The following NR3C2 variants were observed in gnomAD, a reference collection of about 807,000 sequenced individuals.
NR3C2 encodes the protein mineralocorticoid receptor.
NR3C2 carries 15 observed loss-of-function variants against 86.4 expected under a neutral mutation model. That is an observed-to-expected ratio of 0.17 (90% CI 0.12 to 0.27). The LOEUF (loss-of-function observed/expected upper bound fraction) is 0.27. Among genes scored for constraint, NR3C2 ranks in the 10% least tolerant of loss-of-function variants. The pLI is 1.00. For missense variants in NR3C2, 960 were observed against 1,195.6 expected (o/e 0.80, Z 2.91); for synonymous variants, 458 against 450.5 (o/e 1.02, Z -0.21).
intron 3 of NR3C2, among the ~76,000 whole-genome samples, chr4:148,229,137 A>G (rs1323889221): frequency 6.6e-6 from 1 of 152,210 alleles, no homozygotes; most frequent in Non-Finnish European, 1.5e-5. Flanking sequence ...CAGGAGGCAG[A>G]TAAGGGAACC....
intron 4 of NR3C2, among the ~76,000 whole-genome samples, chr4:148,178,108 C>T (rs1447095984): frequency 6.6e-6 from 1 of 152,164 alleles, no homozygotes; most frequent in Non-Finnish European, 1.5e-5. Context: ...GAGGCCAAGG[C>T]GGGGGAATCC....
In NR3C2 at chr4:148,319,016, C is replaced by T. The variant is rs558412932; in HGVS notation, c.1758-58899G>A. Among the ~76,000 whole-genome samples, 22 of 150,050 alleles carry T rather than the reference C, an allele frequency of 1.5e-4. No homozygotes were observed. In the South Asian group the frequency reaches 1.9e-3, roughly 13 times the overall value. Reference sequence around the variant, plus strand: ...AGGGTTTTTATGGTTTTAGGTCTAACGTTTAAGTCTTTAATCAATCTTGAA... The same window carrying T: ...AGGGTTTTTATGGTTTTAGGTCTAATGTTTAAGTCTTTAATCAATCTTGAA... On this transcript the variant is annotated intron_variant, in intron 2 of 8. Coordinates refer to ENST00000358102, the MANE Select transcript of NR3C2 (RefSeq NM_000901.5).
chr4:148,227,300 G>A lies in NR3C2; in HGVS notation c.1898-32438C>T, dbSNP rs112830508. On this transcript the variant is annotated intron_variant, in intron 3 of 8. Transcript: ENST00000358102. ...CACCTCTTGCTTAAATTCAACTTAGGCATTTTTGGCAAGAATTTAACAAGA... is the reference window on the plus strand; with the variant it reads ...CACCTCTTGCTTAAATTCAACTTAGACATTTTTGGCAAGAATTTAACAAGA... Among the ~76,000 whole-genome samples, 1,473 of 152,144 alleles carry A rather than the reference G, an allele frequency of 9.7e-3. 19 individuals are homozygous for A. Among genetic ancestry groups the A allele is most frequent in the African/African-American group, 0.033 (1,372 of 41,488 alleles).
intron 2 of NR3C2, among the ~76,000 whole-genome samples, chr4:148,328,276 A>C (rs950939958): frequency 2.6e-5 from 4 of 152,212 alleles, no homozygotes; most frequent in Non-Finnish European, 4.4e-5. Context: ...GGAGAGGGGA[A>C]GGAGGTAGAG....
chr4:148,378,658 C>T (rs1746799629), intron 2 of NR3C2, among the ~76,000 whole-genome samples: 1 of 152,176 alleles, frequency 6.6e-6, no homozygotes, highest in Non-Finnish European at 1.5e-5. Flanking sequence ...CCTGCTTCTC[C>T]CTTTATCTTC....
At chr4:148,190,852 T>C (rs565577655) in intron 4 of NR3C2, among the ~76,000 whole-genome samples, 21 of 152,338 alleles carry the variant, frequency 1.4e-4, no homozygotes, top group African/African-American at 4.6e-4. Flanking sequence ...TTACTTTAAG[T>C]TTATATGAGT....
At chr4:148,106,122 C>T (rs1356058080) in intron 8 of NR3C2, among the ~76,000 whole-genome samples, 1 of 152,192 alleles carries the variant, frequency 6.6e-6, no homozygotes, top group Non-Finnish European at 1.5e-5. Context: ...ACCCCATCAT[C>T]TCAGCCAAAA....
chr4:148,201,076 G>A (rs879362167), intron 3 of NR3C2: 1 of 152,174 alleles, frequency 6.6e-6, no homozygotes, highest in East Asian at 1.9e-4. Context: ...AGGAAACTGC[G>A]GCCTCTATGG....
intron 2 of NR3C2, among the ~76,000 whole-genome samples, chr4:148,297,221 C>G (rs956607718): frequency 3.9e-5 from 6 of 152,196 alleles, no homozygotes; most frequent in South Asian, 2.1e-4. Flanking sequence ...ATCAACACAT[C>G]TATTAAAAAC....
At chr4:148,211,571 T>A (rs1300501393) in intron 3 of NR3C2, among the ~76,000 whole-genome samples, 1 of 152,116 alleles carries the variant, frequency 6.6e-6, no homozygotes, top group East Asian at 1.9e-4. Context: ...CAAAGAAAAA[T>A]TAGAGGAGCT....
chr4:148,438,039 A>C (rs1750161788), intron 1 of NR3C2, among the ~76,000 whole-genome samples: 1 of 152,234 alleles, frequency 6.6e-6, no homozygotes, highest in South Asian at 2.1e-4. Flanking sequence ...ATGACTGATA[A>C]AAGTATTATC....
intron 7 of NR3C2, among the ~76,000 whole-genome samples, chr4:148,118,814 C>T (rs1026750977): frequency 2.6e-5 from 4 of 152,166 alleles, no homozygotes; most frequent in African/African-American, 7.2e-5. Context: ...ACTTTCATTT[C>T]CCTTCCTAGG....
At chr4:148,156,686 A>C (rs1734405247) in intron 4 of NR3C2, among the ~76,000 whole-genome samples, 1 of 130,728 alleles carries the variant, frequency 7.6e-6, no homozygotes, top group African/African-American at 2.5e-5. Context: ...GAGAAATAGG[A>C]ACACTTTTAC....
At chr4:148,384,732 G>C (rs1185658140) in intron 2 of NR3C2, among the ~76,000 whole-genome samples, 2 of 152,028 alleles carry the variant, frequency 1.3e-5, no homozygotes, top group East Asian at 3.9e-4. Flanking sequence ...AATATAAATG[G>C]AAAAAAGTGA....
intron 2 of NR3C2, among the ~76,000 whole-genome samples, chr4:148,366,125 G>T (rs1022529701): frequency 3.3e-5 from 5 of 151,940 alleles, no homozygotes; most frequent in Admixed American, 6.6e-5. Context: ...AGGAAGTATG[G>T]AGTTATAAAC....
rs13306592 is a variant in NR3C2, at chr4:148,152,502, A to T, written c.2477T>A (p.Phe826Tyr). Residue 826 changes from phenylalanine (F) to tyrosine (Y), a missense_variant, in exon 6 of 9, where the codon TTT becomes TAT. By Grantham distance (22) the Phe-to-Tyr change is conservative. Around this residue, in one of 4 missense-constraint regions of NR3C2, gnomAD observed 151 missense variants for 296.3 expected, o/e 0.51. Coordinates refer to ENST00000358102, the MANE Select transcript of NR3C2 (RefSeq NM_000901.5). ...WRSYKHTNSQ[F>Y]LYFAPDLVFN... is the part of the protein sequence containing the mutation. ...GACTAGGTCTGGTGCAAAATAGAGA[A>T]ATTGGCTGTTCGTATGTTTGTACGA... 1.6e-5 allele frequency: 26 copies of T among 1,614,104 alleles called. No homozygotes were observed. In the East Asian group the frequency reaches 5.8e-4, roughly 36 times the overall value.
At chr4:148,098,274 A>C (rs1385482249) in intron 8 of NR3C2, among the ~76,000 whole-genome samples, 1 of 152,218 alleles carries the variant, frequency 6.6e-6, no homozygotes, top group East Asian at 1.9e-4. Flanking sequence ...ATCTTATTTA[A>C]TGTATACTGC....
At chr4:148,241,032 G>A (rs957793064) in intron 3 of NR3C2, among the ~76,000 whole-genome samples, 7 of 152,006 alleles carry the variant, frequency 4.6e-5, no homozygotes, top group Non-Finnish European at 7.4e-5. Context: ...CCAGCTGGGC[G>A]CGGTGGCTCA....
intron 2 of NR3C2, among the ~76,000 whole-genome samples, chr4:148,323,816 G>C (rs1248744476): frequency 6.6e-6 from 1 of 152,124 alleles, no homozygotes; most frequent in Admixed American, 6.5e-5. Context: ...TACCTCAGAT[G>C]GAAATGCAGA....
Sources: allele counts gnomAD v4.1 joint callset (sites outside exome capture counted in the v4.1 genomes callset), GRCh38; gene constraint gnomAD v4.1.1; regional missense constraint gnomAD v4.1.1; transcripts MANE v1.5; gene names NCBI Gene and HGNC (gene_info 2026-07-23, HGNC 2026-07-21).